The following RORA variants were observed in gnomAD, a reference collection of about 807,000 sequenced individuals.
RORA encodes the protein nuclear receptor ROR-alpha.
RORA carries 7 observed loss-of-function variants against 69.5 expected under a neutral mutation model. That is an observed-to-expected ratio of 0.10 (90% CI 0.06 to 0.19). RORA has a LOEUF of 0.19. Among genes scored for constraint, RORA ranks in the 10% least tolerant of loss-of-function variants. The probability of loss-of-function intolerance (pLI) is 1.00; values close to 1 mark genes in which losing one functional copy is unlikely to be tolerated. For missense variants in RORA, 457 were observed against 663.0 expected (o/e 0.69, Z 3.41); for synonymous variants, 261 against 240.8 (o/e 1.08, Z -0.78).
chr15:60,855,426 C>T (rs1033313087), intron 1 of RORA, among the ~76,000 whole-genome samples: 1 of 152,140 alleles, frequency 6.6e-6, no homozygotes, highest in African/African-American at 2.4e-5. Context: ...AAGACCAGAG[C>T]AGTATTATTC....
At chr15:60,607,593 T>C (rs1053686126) in intron 2 of RORA, among the ~76,000 whole-genome samples, 6 of 152,232 alleles carry the variant, frequency 3.9e-5, no homozygotes, top group Non-Finnish European at 8.8e-5. Flanking sequence ...CTACCTGCAT[T>C]ATACACAGGC....
chr15:60,550,019 G>A lies in RORA; in HGVS notation c.197-18168C>T, dbSNP rs567481640. On this transcript the variant is annotated intron_variant, in intron 2 of 10. Coordinates refer to ENST00000335670, the MANE Select transcript of RORA (RefSeq NM_134261.3). ...AAAAAGTGTAGAAGAGGGGCCGGGC[G>A]CGGTGGCTCACGCCTGTAATCCCAG... Among the ~76,000 whole-genome samples, 98 of 151,952 alleles carry A rather than the reference G, an allele frequency of 6.4e-4. No homozygotes were observed. In the South Asian group the frequency reaches 0.017, roughly 26 times the overall value.
At chr15:60,535,902 A>T (rs1478837659) in intron 2 of RORA, among the ~76,000 whole-genome samples, 4 of 152,170 alleles carry the variant, frequency 2.6e-5, no homozygotes, top group Non-Finnish European at 5.9e-5. Flanking sequence ...TGTCATCATC[A>T]TCATTGCACT....
At chr15:60,504,334 G>T (rs1463088623) in intron 6 of RORA, among the ~76,000 whole-genome samples, 5 of 151,838 alleles carry the variant, frequency 3.3e-5, no homozygotes, top group African/African-American at 1.2e-4. Flanking sequence ...ATCACTTGAG[G>T]TCTGGAGTTC....
At chr15:61,102,106 C>G (rs1055093219) in intron 1 of RORA, among the ~76,000 whole-genome samples, 4 of 152,146 alleles carry the variant, frequency 2.6e-5, no homozygotes, top group Admixed American at 2.0e-4. Flanking sequence ...TCTCCCAGCC[C>G]TCAGCACAAG....
intron 1 of RORA, among the ~76,000 whole-genome samples, chr15:61,081,756 C>T (rs1198913190): frequency 6.8e-6 from 1 of 147,822 alleles, no homozygotes; most frequent in African/African-American, 2.5e-5. Flanking sequence ...TGCAGTGAGC[C>T]GAGATCACGC....
At chr15:61,189,460 T>A (rs2079775296) in intron 1 of RORA, among the ~76,000 whole-genome samples, 1 of 152,098 alleles carries the variant, frequency 6.6e-6, no homozygotes, top group Non-Finnish European at 1.5e-5. Flanking sequence ...CAGTAGATGA[T>A]TCAAAGGATG....
intron 1 of RORA, among the ~76,000 whole-genome samples, chr15:61,218,672 A>ACT (rs1406222083): frequency 3.1e-4 from 34 of 108,002 alleles, no homozygotes; most frequent in African/African-American, 1.3e-3. Context: ...TACTAATATA[A>ACT]CTCACACACA....
intron 1 of RORA, among the ~76,000 whole-genome samples, chr15:60,937,141 C>T (rs978741286): frequency 6.6e-6 from 1 of 152,170 alleles, no homozygotes; most frequent in African/African-American, 2.4e-5. Flanking sequence ...GAAACCGAGG[C>T]ATACAGCTGG....
intron 1 of RORA, among the ~76,000 whole-genome samples, chr15:60,897,438 A>G (rs1891260135): frequency 6.6e-6 from 1 of 152,204 alleles, no homozygotes; most frequent in Non-Finnish European, 1.5e-5. Flanking sequence ...GTAGAGGAAG[A>G]GGGGTGTAAA....
chr15:60,749,167 T>C (rs4775294), intron 1 of RORA, among the ~76,000 whole-genome samples: 38,264 of 152,118 alleles, frequency 0.25, 6,039 homozygotes, highest in Non-Finnish European at 0.36. Flanking sequence ...TTGAACAACA[T>C]CCACCTATAA....
At chr15:60,849,545 C>T (rs553145435) in intron 1 of RORA, among the ~76,000 whole-genome samples, 15 of 152,148 alleles carry the variant, frequency 9.9e-5, no homozygotes, top group Non-Finnish European at 1.9e-4. Flanking sequence ...AGCATGGGCA[C>T]ATCATAAAAC....
chr15:60,556,946 A>T, intron 2 of RORA: 1 of 1,594,926 alleles, frequency 6.3e-7, no homozygotes, highest in East Asian at 2.2e-5. Flanking sequence ...GTCCACCCCA[A>T]TCCAATGATA....
At chr15:61,189,856 CAAAAAAAAAA>C (rs71125907) in intron 1 of RORA, among the ~76,000 whole-genome samples, 4 of 42,890 alleles carry the variant, frequency 9.3e-5, no homozygotes, top group Admixed American at 4.7e-4. Flanking sequence ...GACTCTGTCT[CAAAAAAAAAA>C]AAAAAAAAAA....
intron 3 of RORA, among the ~76,000 whole-genome samples, chr15:60,516,249 T>A (rs533026983): frequency 0.025 from 1,748 of 69,528 alleles, 184 homozygotes; most frequent in African/African-American, 0.12. Flanking sequence ...ATATATATAT[T>A]TATATATATA....
intron 1 of RORA, among the ~76,000 whole-genome samples, chr15:60,989,861 A>G (rs990828852): frequency 6.6e-5 from 10 of 152,208 alleles, no homozygotes; most frequent in African/African-American, 2.2e-4. Flanking sequence ...CAGGATTGGA[A>G]TCTAGTCCAG....
intron 1 of RORA, among the ~76,000 whole-genome samples, chr15:61,152,778 T>C (rs1368222128): frequency 1.3e-5 from 2 of 152,194 alleles, no homozygotes; most frequent in Non-Finnish European, 2.9e-5. Context: ...CATGCCAGGC[T>C]TTAGGTTAAG....
intron 1 of RORA, among the ~76,000 whole-genome samples, chr15:60,827,536 TA>T (rs1305874441): frequency 1.3e-5 from 2 of 152,244 alleles, no homozygotes; most frequent in Non-Finnish European, 2.9e-5. Flanking sequence ...AGTGTACTCC[TA>T]AAGGGTATCC....
At chr15:60,888,295 G>A (rs1346180255) in intron 1 of RORA, among the ~76,000 whole-genome samples, 2 of 152,222 alleles carry the variant, frequency 1.3e-5, no homozygotes, top group African/African-American at 4.8e-5. Flanking sequence ...CACCTCAGGG[G>A]ACACTGGCCT....
Sources: gnomAD v4.1 joint callset for allele counts (sites outside exome capture counted in the v4.1 genomes callset) on GRCh38, gnomAD v4.1.1 for gene constraint, MANE v1.5 for transcripts, NCBI Gene and HGNC (gene_info 2026-07-23, HGNC 2026-07-21) for gene names.